Variants in SDK1 observed in about 807,000 individuals in gnomAD.
The protein encoded by SDK1 is protein sidekick-1.
Under a neutral mutation model 245.5 loss-of-function variants are expected in SDK1, and 157 were observed. The ratio of observed to expected loss-of-function variants is 0.64; its 90% CI spans 0.56 to 0.73. The LOEUF (loss-of-function observed/expected upper bound fraction) is 0.73. Among genes scored for constraint, SDK1 ranks in the 30% least tolerant of loss-of-function variants. The pLI is 0.00. For synonymous variants in SDK1, 1,647 were observed against 1,278.5 expected (o/e 1.29, Z -6.15); for missense variants, 3,583 against 3,002.3 (o/e 1.19, Z -4.52).
intron 1 of SDK1, among the ~76,000 whole-genome samples, chr7:3,365,586 A>G (rs892435166): frequency 1.3e-5 from 2 of 152,218 alleles, no homozygotes; most frequent in African/African-American, 2.4e-5. Context: ...TTATCTTACT[A>G]TACACATAAA....
intron 1 of SDK1, among the ~76,000 whole-genome samples, chr7:3,584,908 C>T (rs1562581903): frequency 1.3e-5 from 2 of 151,738 alleles, no homozygotes; most frequent in Admixed American, 6.6e-5. Context: ...GTATTTTTAG[C>T]GGAGACGGAG....
intron 4 of SDK1, among the ~76,000 whole-genome samples, chr7:3,692,896 T>A (rs1464378438): frequency 6.6e-6 from 1 of 152,056 alleles, no homozygotes; most frequent in Non-Finnish European, 1.5e-5. Context: ...TTTAATTATA[T>A]ATTAATATGA....
intron 5 of SDK1, among the ~76,000 whole-genome samples, chr7:3,944,965 A>G (rs1268406283): frequency 2.0e-5 from 3 of 152,162 alleles, no homozygotes; most frequent in Non-Finnish European, 4.4e-5. Context: ...AGCCATTGCT[A>G]GTTTGTATAA....
At chr7:4,215,368 G>C (rs568971508) in intron 38 of SDK1, among the ~76,000 whole-genome samples, 2 of 152,360 alleles carry the variant, frequency 1.3e-5, no homozygotes, top group East Asian at 1.9e-4. Context: ...CACCGACTCT[G>C]CGCTGGGCCA....
chr7:3,476,545 A>G (rs1212091729), intron 1 of SDK1, among the ~76,000 whole-genome samples: 1 of 152,242 alleles, frequency 6.6e-6, no homozygotes, highest in Non-Finnish European at 1.5e-5. Flanking sequence ...TTGGGGTCAT[A>G]TAGGACTTTA....
rs186474511 is a variant in SDK1, at chr7:3,960,599, C to T, written c.1234+1585C>T. ...GCCCACAGACCCCCTCCCGACCCACCGTGCTTTGTAACCACTGCTCCTGGC... is the reference window on the plus strand; with the variant it reads ...GCCCACAGACCCCCTCCCGACCCACTGTGCTTTGTAACCACTGCTCCTGGC... On this transcript the variant is annotated intron_variant, in intron 8 of 44. Coordinates refer to ENST00000404826, the MANE Select transcript of SDK1 (RefSeq NM_152744.4). Among the ~76,000 whole-genome samples, 254 of 152,332 alleles carry T rather than the reference C, an allele frequency of 1.7e-3. 1 individual carries two copies. The highest frequency in any genetic ancestry group is 5.9e-3 in the African/African-American group (247 of 41,576).
At chr7:3,926,637 C>G (rs1428541750) in intron 5 of SDK1, among the ~76,000 whole-genome samples, 1 of 152,122 alleles carries the variant, frequency 6.6e-6, no homozygotes, top group Non-Finnish European at 1.5e-5. Flanking sequence ...CCTTGGCCTT[C>G]TACAGTGCTG....
At chr7:3,974,183 CAA>C (rs10630472) in intron 12 of SDK1, among the ~76,000 whole-genome samples, 184 bp from the exon 13 acceptor site, 12 of 104,390 alleles carry the variant, frequency 1.1e-4, no homozygotes, top group Non-Finnish European at 1.3e-4. Context: ...GACTCTGTCT[CAA>C]AAAAAAAAAA....
chr7:3,337,021 C>G (rs1344234972), intron 1 of SDK1, among the ~76,000 whole-genome samples: 4 of 145,358 alleles, frequency 2.8e-5, no homozygotes, highest in Non-Finnish European at 2.9e-5. Context: ...ACAATTCATA[C>G]CAATTTATAC....
intron 1 of SDK1, among the ~76,000 whole-genome samples, chr7:3,553,207 T>C (rs1047009303): frequency 6.6e-6 from 1 of 152,170 alleles, no homozygotes; most frequent in Non-Finnish European, 1.5e-5. Flanking sequence ...GGCAGTGATC[T>C]AAGAGCTTTA....
At chr7:4,153,533 C>A (rs1780526575) in intron 30 of SDK1, among the ~76,000 whole-genome samples, 1 of 152,190 alleles carries the variant, frequency 6.6e-6, no homozygotes, top group Non-Finnish European at 1.5e-5. Flanking sequence ...TTGCAGTGAG[C>A]TGAGATCATA....
At chr7:3,563,964 A>G (rs1234191801) in intron 1 of SDK1, among the ~76,000 whole-genome samples, 4 of 149,636 alleles carry the variant, frequency 2.7e-5, no homozygotes, top group Admixed American at 1.3e-4. Flanking sequence ...CTATTGAATT[A>G]AAAAAATAAA....
chr7:3,878,700 A>G (rs1057064166), intron 5 of SDK1, among the ~76,000 whole-genome samples: 24 of 152,198 alleles, frequency 1.6e-4, no homozygotes, highest in African/African-American at 5.8e-4. Flanking sequence ...GAGGGTTCGA[A>G]GAGGAAGAGT....
At chr7:4,049,651 T>C (rs1370779474) in intron 18 of SDK1, among the ~76,000 whole-genome samples, 188 bp downstream of exon 18, 1 of 152,220 alleles carries the variant, frequency 6.6e-6, no homozygotes, top group African/African-American at 2.4e-5. Flanking sequence ...GAAATTCAAA[T>C]TCCTAGTTAT....
intron 4 of SDK1, among the ~76,000 whole-genome samples, chr7:3,813,534 C>A (rs1779436741): frequency 6.7e-6 from 1 of 149,186 alleles, no homozygotes; most frequent in Admixed American, 6.7e-5. Context: ...GGGTTGGTTC[C>A]AAGTCTTTGC....
rs570185030 is a variant in SDK1, at chr7:3,986,046, C to T, written c.1995-1140C>T. Among the ~76,000 whole-genome samples the T allele has an allele frequency of 2.2e-4, 34 of 152,172 alleles. No homozygotes were observed. The East Asian group carries it at 5.4e-3, about 24-fold the overall frequency. On this transcript the variant is annotated intron_variant, in intron 13 of 44. Transcript: ENST00000404826. ...ATGGAGGGGCAGCCATCCAGGACAG[C>T]CCCGGAACAGGGTCCTGCTCCGGAT...
chr7:3,658,160 A>G (rs2128658401), intron 4 of SDK1, among the ~76,000 whole-genome samples: 1 of 152,282 alleles, frequency 6.6e-6, no homozygotes, highest in Non-Finnish European at 1.5e-5. Flanking sequence ...CGTGATGATC[A>G]CATCCCCTCA....
chr7:3,738,720 G>C (rs1779390394), intron 4 of SDK1, among the ~76,000 whole-genome samples: 1 of 151,958 alleles, frequency 6.6e-6, no homozygotes, highest in South Asian at 2.1e-4. Flanking sequence ...ATCTTTTGTA[G>C]TTTTCATAGT....
At chr7:3,669,227 G>A (rs1404472412) in intron 4 of SDK1, among the ~76,000 whole-genome samples, 2 of 152,168 alleles carry the variant, frequency 1.3e-5, no homozygotes, top group African/African-American at 2.4e-5. Flanking sequence ...AATTATAAGA[G>A]CATGGAAAGC....
Sources: gnomAD v4.1 joint callset for allele counts (sites outside exome capture counted in the v4.1 genomes callset) on GRCh38, gnomAD v4.1.1 for gene constraint, MANE v1.5 for transcripts, NCBI Gene and HGNC (gene_info 2026-07-23, HGNC 2026-07-21) for gene names.